Variants in CNOT2 observed in about 807,000 individuals in gnomAD.
CNOT2 encodes the protein CC chemokine receptor 4-negative regulator of transcription 2.
In CNOT2, 7 loss-of-function variants were observed where a neutral mutation model predicts 72.1. The ratio of observed to expected loss-of-function variants is 0.10; its 90% CI spans 0.06 to 0.18. The LOEUF (loss-of-function observed/expected upper bound fraction) is 0.18. Ranked by LOEUF, CNOT2 falls within the 10% of genes least tolerant of loss-of-function variation. The pLI is 1.00. For missense variants in CNOT2, 345 were observed against 660.3 expected (o/e 0.52, Z 5.23); for synonymous variants, 196 against 225.6 (o/e 0.87, Z 1.17).
intron 2 of CNOT2, among the ~76,000 whole-genome samples, chr12:70,310,010 G>C (rs958689761): frequency 6.6e-6 from 1 of 151,894 alleles, no homozygotes; most frequent in African/African-American, 2.4e-5. Flanking sequence ...GTTTTTTCTT[G>C]TAATTATTCC....
chr12:70,331,626 A>T (rs922267416), intron 6 of CNOT2: 8 of 151,888 alleles, frequency 5.3e-5, no homozygotes, highest in Non-Finnish European at 1.0e-4. Context: ...ATCTCTGAGC[A>T]CTTATTCCAT....
chr12:70,303,608 C>T (rs1874561355), intron 2 of CNOT2, among the ~76,000 whole-genome samples: 2 of 152,310 alleles, frequency 1.3e-5, no homozygotes, highest in East Asian at 1.9e-4. Context: ...ATGGGCTTCC[C>T]TTTGTGGGTA....
chr12:70,296,073 C>T (rs957958400), intron 2 of CNOT2, among the ~76,000 whole-genome samples: 2 of 152,050 alleles, frequency 1.3e-5, no homozygotes, highest in Non-Finnish European at 2.9e-5. Flanking sequence ...AATAAAGCAG[C>T]TTCAGACACC....
At chr12:70,272,575 T>C (rs776997610) in intron 1 of CNOT2, among the ~76,000 whole-genome samples, 12 of 152,200 alleles carry the variant, frequency 7.9e-5, no homozygotes, top group Non-Finnish European at 1.2e-4. Context: ...ATATTGCTTA[T>C]ACCGTTAAGT....
At chr12:70,314,696 G>T (rs1565802816) in intron 3 of CNOT2, among the ~76,000 whole-genome samples, 1 of 152,100 alleles carries the variant, frequency 6.6e-6, no homozygotes, top group South Asian at 2.1e-4. Flanking sequence ...GTAAGCTTAA[G>T]AATATTTTAA....
chr12:70,271,532 C>G (rs1959231679), intron 1 of CNOT2, among the ~76,000 whole-genome samples: 1 of 151,946 alleles, frequency 6.6e-6, no homozygotes, highest in Non-Finnish European at 1.5e-5. Flanking sequence ...CACCATCACG[C>G]CTGGCTAATT....
At chr12:70,300,287 C>A (rs1160861558) in intron 2 of CNOT2, among the ~76,000 whole-genome samples, 1 of 152,110 alleles carries the variant, frequency 6.6e-6, no homozygotes, top group Non-Finnish European at 1.5e-5. Context: ...GACATGAAGT[C>A]CTTGCCCATG....
chr12:70,243,212 T>G (rs1382307530), upstream of CNOT2: 3 of 152,386 alleles, frequency 2.0e-5, no homozygotes, highest in Admixed American at 2.0e-4. Flanking sequence ...TCCCTGTGAG[T>G]CGGTGGGAGA....
At chr12:70,295,765 G>A (rs566425710) in intron 2 of CNOT2, among the ~76,000 whole-genome samples, 46 of 152,152 alleles carry the variant, frequency 3.0e-4, no homozygotes, top group African/African-American at 1.1e-3. Flanking sequence ...CTATGGATTA[G>A]CACTTTTTGA....
intron 3 of CNOT2, among the ~76,000 whole-genome samples, chr12:70,314,962 C>G (rs926795402): frequency 1.3e-5 from 2 of 152,100 alleles, no homozygotes; most frequent in Non-Finnish European, 2.9e-5. Context: ...CTCCTGGGTT[C>G]AAGTGATTCT....
intron 1 of CNOT2, among the ~76,000 whole-genome samples, chr12:70,248,823 G>A (rs577618188): frequency 1.3e-5 from 2 of 152,048 alleles, no homozygotes; most frequent in Non-Finnish European, 2.9e-5. Flanking sequence ...GTATGATCCA[G>A]TACTCAGGAC....
intron 15 of CNOT2, among the ~76,000 whole-genome samples, chr12:70,353,521 C>A (rs1883129499): frequency 1.3e-5 from 2 of 152,056 alleles, no homozygotes; most frequent in Admixed American, 6.6e-5. Flanking sequence ...TTCAGAGATA[C>A]AGTAATTGCC....
rs35192504 is a variant in CNOT2, at chr12:70,353,913, TA to T, written c.*23del. On this transcript the variant is annotated frameshift_variant and stop_lost, in exon 16 of 16. Transcript: ENST00000229195. LOFTEE classifies it high-confidence loss of function. ...FNYNPAQQAF[*>X] Reference sequence around the variant, plus strand: ...CTACAACCCTGCTCAGCAAGCCTTCTAAAAAAAAAAAAAAAAAAAAAAAAAG... The same window carrying T: ...CTACAACCCTGCTCAGCAAGCCTTCTAAAAAAAAAAAAAAAAAAAAAAAAG... 0.22 allele frequency: 264,489 copies of T among 1,229,188 alleles called. 244 individuals carry two copies. Among genetic ancestry groups the T allele is most frequent in the East Asian group, 0.23 (7,109 of 31,546 alleles). The allele number at this position is 1,229,188 out of a possible 1,614,324, so 76.1% of individuals were successfully genotyped here.
At chr12:70,328,861 T>A (rs1046572484) in intron 4 of CNOT2, among the ~76,000 whole-genome samples, 2 of 151,942 alleles carry the variant, frequency 1.3e-5, no homozygotes, top group Non-Finnish European at 1.5e-5. Context: ...AGTTTGAGTT[T>A]TTTTTAACAG....
Position 70,332,748 on chromosome 12 carries a change from C to T in CNOT2, c.570-19C>T. The T allele has an allele frequency of 6.3e-7, 1 of 1,585,564 alleles. No homozygotes were observed. Among genetic ancestry groups the T allele is most frequent in the Non-Finnish European group, 8.6e-7 (1 of 1,168,778 alleles). On this transcript the variant is annotated intron_variant, in intron 6 of 15. Transcript: ENST00000229195. The stretch of plus-strand genomic sequence containing the variant: ...TAGTGTTCTTACTGTATATCTAAAA[C>T]TATTTTCTATGTACCCAGTATGTCT...
At chr12:70,277,024 A>C (rs1324572283) in intron 1 of CNOT2, among the ~76,000 whole-genome samples, 1 of 151,954 alleles carries the variant, frequency 6.6e-6, no homozygotes, top group Non-Finnish European at 1.5e-5. Context: ...ATATGTGTAC[A>C]TGTGTGTTTG....
At chr12:70,316,062 A>C (rs1312144037) in intron 3 of CNOT2, among the ~76,000 whole-genome samples, 1 of 152,120 alleles carries the variant, frequency 6.6e-6, no homozygotes, top group African/African-American at 2.4e-5. Context: ...CATTTAACCT[A>C]TACTTCAGCT....
At chr12:70,312,917 A>G (rs1175472589) in intron 3 of CNOT2, among the ~76,000 whole-genome samples, 1 of 152,036 alleles carries the variant, frequency 6.6e-6, no homozygotes, top group Admixed American at 6.6e-5. Flanking sequence ...ATCAGAAATA[A>G]TTGCTAAAAT....
intron 3 of CNOT2, among the ~76,000 whole-genome samples, chr12:70,315,227 A>G (rs1023945183): frequency 6.6e-6 from 1 of 151,840 alleles, no homozygotes; most frequent in Non-Finnish European, 1.5e-5. Flanking sequence ...GCTAGATTTC[A>G]TTAGTTTCAT....
Sources: allele counts gnomAD v4.1 joint callset (sites outside exome capture counted in the v4.1 genomes callset), GRCh38; gene constraint gnomAD v4.1.1; transcripts MANE v1.5; gene names NCBI Gene and HGNC (gene_info 2026-07-23, HGNC 2026-07-21).